The following RIPK3 variants were observed in gnomAD, a reference collection of about 807,000 sequenced individuals.
RIPK3 encodes the protein receptor-interacting serine/threonine-protein kinase 3.
A neutral mutation model predicts 51.6 loss-of-function variants in RIPK3; 51 were observed. That is an observed-to-expected ratio of 0.99 (90% CI 0.79 to 1.25). The LOEUF (loss-of-function observed/expected upper bound fraction) is 1.25. Ranked by LOEUF, RIPK3 falls within the 50% of genes most tolerant of loss-of-function variation. RIPK3 has a pLI of 0.00. For synonymous variants in RIPK3, 246 were observed against 257.7 expected (o/e 0.95, Z 0.44); for missense variants, 654 against 650.4 (o/e 1.01, Z -0.06).
At position 24,339,350 on chromosome 14, in the gene RIPK3, C is replaced by A. The variant is rs2139242129; in HGVS notation, c.162-26G>T. The A allele has an allele frequency of 1.2e-6, 2 of 1,607,432 alleles. No homozygotes were observed. The highest frequency in any genetic ancestry group is 1.1e-5 in the South Asian group (1 of 90,686). On this transcript the variant is annotated intron_variant, in intron 2 of 9. Transcript: ENST00000216274. The surrounding 1 kb of genome is among the most constrained non-coding windows in gnomAD (Gnocchi z 4.0). Reference sequence around the variant, plus strand: ...CTACACTCCAGGAGAGAGCTGGAGTCGCACCGGGGTCGTGGGAAAATCCCT... The same window carrying A: ...CTACACTCCAGGAGAGAGCTGGAGTAGCACCGGGGTCGTGGGAAAATCCCT...
In RIPK3 at chr14:24,339,279, G is replaced by A; in HGVS notation, c.207C>T (p.Asn69=). ...CCCCTTCTAGGCGCAGCACGAATTC[G>A]TTATCCAGACTTGCCATGGCCTTGA... ...REVKAMASLD[N]EFVLRLEGVI... is the part of the protein sequence containing the mutation. The change falls in exon 3 of 10, where the codon AAC becomes AAT. Residue 69 remains asparagine, a synonymous_variant. Coordinates refer to ENST00000216274, the MANE Select transcript of RIPK3 (RefSeq NM_006871.4). This position sits in a 1 kb window ranked among gnomAD's most constrained non-coding sequence, Gnocchi z 4.0. The A allele has an allele frequency of 6.2e-7, 1 of 1,613,780 alleles. No individual in the cohort carries two copies. Among genetic ancestry groups the A allele is most frequent in the South Asian group, 1.1e-5 (1 of 91,078 alleles).
In RIPK3 at chr14:24,337,464, C is replaced by T; in HGVS notation, c.901-4G>A. On this transcript the variant is annotated splice_polypyrimidine_tract_variant and splice_region_variant and intron_variant, in intron 7 of 9. Transcript: ENST00000216274. Reference sequence around the variant, plus strand: ...GCTGAGACAGGAAATCCTTTACCTGCAGGGATGGGAGGAGTTTGCTGGGTA... The same window carrying T: ...GCTGAGACAGGAAATCCTTTACCTGTAGGGATGGGAGGAGTTTGCTGGGTA... 1.2e-6 allele frequency: 2 copies of T among 1,612,012 alleles called. No individual in the cohort carries two copies. The highest frequency in any genetic ancestry group is 1.7e-6 in the Non-Finnish European group (2 of 1,178,586).
In RIPK3 at chr14:24,337,331, T is replaced by A. The variant is rs1023476359; in HGVS notation, c.1030A>T (p.Met344Leu). 1.9e-6 allele frequency: 3 copies of A among 1,613,742 alleles called. No homozygotes were observed. Among genetic ancestry groups the A allele is most frequent in the Non-Finnish European group, 2.5e-6 (3 of 1,179,822 alleles). Residue 344 changes from methionine to leucine, a missense_variant, in exon 8 of 10, where the codon ATG becomes TTG. Met to Leu is a conservative substitution (Grantham distance 15). Transcript: ENST00000216274. ...AGTTTGTTTAGCCACTCAGAAACCATGACATCATTACGAGAGTGCTGGTTT... is the reference window on the plus strand; with the variant it reads ...AGTTTGTTTAGCCACTCAGAAACCAAGACATCATTACGAGAGTGCTGGTTT... ...IENQHSRNDV[M>L]VSEWLNKLNL...
chr14:24,339,755 T>C lies in RIPK3; in HGVS notation c.20+52A>G. ...CGTTCTCTGAGCGAGTCTGTGGGGC[T>C]CTCTGGGTGTGAATGTCGGAGGCTG... is the stretch of plus-strand genomic sequence containing the variant. On this transcript the variant is annotated intron_variant, in intron 1 of 9. Transcript: ENST00000216274. This position sits in a 1 kb window ranked among gnomAD's most constrained non-coding sequence, Gnocchi z 4.0. 2 of 1,562,118 alleles carry C rather than the reference T, an allele frequency of 1.3e-6. No homozygotes were observed. The highest frequency in any genetic ancestry group is 1.2e-5 in the South Asian group (1 of 82,648).
Position 24,339,667 on chromosome 14 carries a change from T to C in RIPK3, c.21-70A>G, listed in dbSNP as rs1456879723. The C allele has an allele frequency of 4.4e-6, 7 of 1,603,690 alleles. No homozygotes were observed. The East Asian group carries it at 1.6e-4, about 36-fold the overall frequency. On this transcript the variant is annotated intron_variant, in intron 1 of 9. Coordinates refer to ENST00000216274, the MANE Select transcript of RIPK3 (RefSeq NM_006871.4). This position sits in a 1 kb window ranked among gnomAD's most constrained non-coding sequence, Gnocchi z 4.0. ...GCGCTGCTCCCCGCGCCCCTGTGAC[T>C]CGGCGTTCTCACTGCAATCCCCAGC...
At chr14:24,336,671 A>G (rs1746128629) in intron 9 of RIPK3, 1 of 676,014 alleles carries the variant, frequency 1.5e-6, no homozygotes, top group Non-Finnish European at 2.5e-6. Context: ...GTGGAAAGTT[A>G]GAAGATTCAG....
chr14:24,336,858 G>T lies in RIPK3; in HGVS notation c.1336+27C>A, dbSNP rs1349154264. 5 of 1,591,146 alleles carry T rather than the reference G, an allele frequency of 3.1e-6. No homozygotes were observed. The East Asian group carries it at 1.1e-4, about 36-fold the overall frequency. On this transcript the variant is annotated intron_variant, in intron 9 of 9. Coordinates refer to ENST00000216274, the MANE Select transcript of RIPK3 (RefSeq NM_006871.4). ...GAGTCTGGTGGAAGAATTGAACAGG[G>T]AAAAGAAAGAGGTAGAGAATGGGTA...
At chr14:24,338,080 G>A in intron 5 of RIPK3, 40 bp from the exon 6 acceptor site, 6 of 1,613,910 alleles carry the variant, frequency 3.7e-6, no homozygotes, top group Non-Finnish European at 5.1e-6. Flanking sequence ...AGGCATTCAG[G>A]GTAAAAGGGA....
chr14:24,339,004 G>C lies in RIPK3; in HGVS notation c.471+11C>G, dbSNP rs745789520. On this transcript the variant is annotated intron_variant, in intron 3 of 9. Transcript: ENST00000216274. This position sits in a 1 kb window ranked among gnomAD's most constrained non-coding sequence, Gnocchi z 4.0. ...TTGTCTTGAGGCTGAGAGGGGTGTA[G>C]ACCAGCTGACCTTGACGTGCAGCTC... The C allele has an allele frequency of 4.4e-6, 7 of 1,607,116 alleles. No individual in the cohort carries two copies. Among genetic ancestry groups the C allele is most frequent in the Non-Finnish European group, 2.6e-6 (3 of 1,173,672 alleles).
chr14:24,337,625 T>C, intron 7 of RIPK3, 70 bp downstream of exon 7: 2 of 1,541,560 alleles, frequency 1.3e-6, no homozygotes, highest in Admixed American at 1.7e-5. Flanking sequence ...TGGTGAGTCA[T>C]TGGATGGCCA....
At position 24,338,152 on chromosome 14, in the gene RIPK3, G is replaced by T. The variant is rs1271496812; in HGVS notation, c.664+97C>A. The T allele has an allele frequency of 5.7e-6, 9 of 1,574,048 alleles. No homozygotes were observed. The African/African-American group carries it at 9.4e-5, about 16-fold the overall frequency. On this transcript the variant is annotated intron_variant, in intron 5 of 9. Transcript: ENST00000216274. ...AATGTGGGGGCACGAGGAGGGAGGA[G>T]GGCAGTCTAAGTAGGTGAGCGGGAA... is the stretch of plus-strand genomic sequence containing the variant.
In RIPK3 at chr14:24,339,774, GA is replaced by G. The variant is rs1188313131; in HGVS notation, c.20+32del. Reference sequence around the variant, plus strand: ...TGGGGCTCTCTGGGTGTGAATGTCGGAGGCTGCGATCGACATGCCACTCCCT... The same window carrying G: ...TGGGGCTCTCTGGGTGTGAATGTCGGGGCTGCGATCGACATGCCACTCCCT... On this transcript the variant is annotated intron_variant, in intron 1 of 9. Transcript: ENST00000216274. This position sits in a 1 kb window ranked among gnomAD's most constrained non-coding sequence, Gnocchi z 4.0. 6.4e-7 allele frequency: 1 copy of G among 1,570,170 alleles called. No homozygotes were observed. The highest frequency in any genetic ancestry group is 1.4e-5 in the African/African-American group (1 of 73,490).
rs868620147 is a variant in RIPK3, at chr14:24,336,430, T to C, written c.1337-35A>G. 9 of 1,599,082 alleles carry C rather than the reference T, an allele frequency of 5.6e-6. No homozygotes were observed. The Middle Eastern group carries it at 1.3e-3, about 237-fold the overall frequency. ...AAATAGTGATGGTGGCAGGAGGGTT[T>C]AGCTGTCAGAAAGGCCAAGTTGGGG... On this transcript the variant is annotated intron_variant, in intron 9 of 9. Transcript: ENST00000216274.
intron 3 of RIPK3, 179 bp from the exon 4 acceptor site, chr14:24,338,746 T>C: frequency 1.1e-6 from 1 of 895,682 alleles, no homozygotes; most frequent in Non-Finnish European, 1.7e-6. Flanking sequence ...GGTCAAGGTC[T>C]GAGTCTCCAG....
rs1226034019 is a variant in RIPK3 at position 24,339,606 on chromosome 14, G to C, written c.21-9C>G. On this transcript the variant is annotated splice_polypyrimidine_tract_variant and intron_variant, in intron 1 of 9. Transcript: ENST00000216274. The surrounding 1 kb of genome is among the most constrained non-coding windows in gnomAD (Gnocchi z 4.0). ...CGGGGGCACCGCTGGGCCTGAGAGAGGGGTGTCGCCCACTAGCCGGCCGTG... is the reference window on the plus strand; with the variant it reads ...CGGGGGCACCGCTGGGCCTGAGAGACGGGTGTCGCCCACTAGCCGGCCGTG... 2 of 1,613,770 alleles carry C rather than the reference G, an allele frequency of 1.2e-6. No individual in the cohort carries two copies. The highest frequency in any genetic ancestry group is 1.7e-6 in the Non-Finnish European group (2 of 1,179,954).
At position 24,339,554 on chromosome 14, in the gene RIPK3, C is replaced by T; in HGVS notation, c.64G>A (p.Glu22Lys). 6.2e-7 allele frequency: 1 copy of T among 1,614,176 alleles called. No individual in the cohort carries two copies. The highest frequency in any genetic ancestry group is 8.5e-7 in the Non-Finnish European group (1 of 1,180,012). ...CCTTTGCCGACGAGCTCCTGGTTCTCCAGTTCCTCGATGGACACCAAGGGG... is the reference window on the plus strand; with the variant it reads ...CCTTTGCCGACGAGCTCCTGGTTCTTCAGTTCCTCGATGGACACCAAGGGG... ...PAPLVSIEEL[E>K]NQELVGKGGF... Residue 22 changes from glutamate (E) to lysine (K), a missense_variant, in exon 2 of 10, where the codon GAG (glutamate) becomes AAG (lysine). Physicochemically the swap from Glu to Lys is moderately conservative, Grantham distance 56 (BLOSUM62 1). Transcript: ENST00000216274. The surrounding 1 kb of genome is among the most constrained non-coding windows in gnomAD (Gnocchi z 4.0).
rs759957092 is a variant in RIPK3 at position 24,339,141 on chromosome 14, C to T, written c.345G>A (p.Pro115=). The T allele has an allele frequency of 1.2e-5, 19 of 1,614,088 alleles. No individual in the cohort carries two copies. The highest frequency in any genetic ancestry group is 1.1e-4 in the East Asian group (5 of 44,888). ...LLQSQCPRPW[P]LLCRLLKEVV... is the part of the protein sequence containing the mutation. Reference sequence around the variant, plus strand: ...CTTCTTTCAGCAGGCGGCAAAGGAGCGGCCAGGGCCGAGGGCACTGGGACT... The same window carrying T: ...CTTCTTTCAGCAGGCGGCAAAGGAGTGGCCAGGGCCGAGGGCACTGGGACT... The change falls in exon 3 of 10, where the codon CCG becomes CCA. Residue 115 remains proline, a synonymous_variant. Coordinates refer to ENST00000216274, the MANE Select transcript of RIPK3 (RefSeq NM_006871.4). This position sits in a 1 kb window ranked among gnomAD's most constrained non-coding sequence, Gnocchi z 4.0.
chr14:24,337,676 G>A lies in RIPK3; in HGVS notation c.900+19C>T, dbSNP rs1404993180. 6.3e-7 allele frequency: 1 copy of A among 1,584,116 alleles called. No homozygotes were observed. The highest frequency in any genetic ancestry group is 1.7e-5 in the Admixed American group (1 of 59,882). On this transcript the variant is annotated intron_variant, in intron 7 of 9. Coordinates refer to ENST00000216274, the MANE Select transcript of RIPK3 (RefSeq NM_006871.4). ...CCATCCCTGACCAGCTCCTGGGGAG[G>A]GGTGATGTTGGCACTCACCGTGGAG...
At chr14:24,338,151 A>AG (rs1389763705) in intron 5 of RIPK3, 98 bp downstream of exon 5, 1 of 1,574,196 alleles carries the variant, frequency 6.4e-7, no homozygotes, top group Non-Finnish European at 8.7e-7. Context: ...AGGAGGGAGG[A>AG]GGGCAGTCTA....
Sources: gnomAD v4.1 joint callset for allele counts on GRCh38, gnomAD v4.1.1 for gene constraint, Gnocchi (gnomAD v3.1) non-coding constraint, MANE v1.5 for transcripts, NCBI Gene and HGNC (gene_info 2026-07-23, HGNC 2026-07-21) for gene names.